The following CNTNAP2 variants were observed in gnomAD, a reference collection of about 807,000 sequenced individuals.
The protein encoded by CNTNAP2 is contactin-associated protein-like 2.
CNTNAP2 carries 98 observed loss-of-function variants against 155.2 expected under a neutral mutation model. That is an observed-to-expected ratio of 0.63 (90% CI 0.54 to 0.75). The LOEUF (loss-of-function observed/expected upper bound fraction) is 0.75, where lower values mean the gene tolerates loss of function less well. Ranked by LOEUF, CNTNAP2 falls within the 30% of genes least tolerant of loss-of-function variation. The pLI is 0.00. For synonymous variants in CNTNAP2, 651 were observed against 631.2 expected (o/e 1.03, Z -0.47); for missense variants, 1,727 against 1,688.1 (o/e 1.02, Z -0.40).
At chr7:148,127,809 A>T (rs1585140729) in intron 16 of CNTNAP2, among the ~76,000 whole-genome samples, 1 of 152,210 alleles carries the variant, frequency 6.6e-6, no homozygotes, top group Non-Finnish European at 1.5e-5. Context: ...AGGATGTTTT[A>T]AAAAATATTG....
chr7:146,811,572 C>CA (rs1192046016), intron 2 of CNTNAP2, among the ~76,000 whole-genome samples: 2 of 151,586 alleles, frequency 1.3e-5, no homozygotes, highest in South Asian at 2.1e-4. Flanking sequence ...TTTATGTTTT[C>CA]AAAAAAACTC....
intron 4 of CNTNAP2, chr7:147,097,600 C>G (rs1584840881): frequency 6.6e-6 from 1 of 152,136 alleles, no homozygotes; most frequent in African/African-American, 2.4e-5. Context: ...ATGAGGGAAA[C>G]GGTCCCTATG....
chr7:147,804,950 G>A (rs75554915), intron 13 of CNTNAP2, among the ~76,000 whole-genome samples: 1,717 of 152,260 alleles, frequency 0.011, 94 homozygotes, highest in Admixed American at 0.089. Flanking sequence ...GAGCATCAGG[G>A]CACTTGTCTC....
chr7:146,404,902 G>A (rs886868647), intron 1 of CNTNAP2, among the ~76,000 whole-genome samples: 3 of 152,004 alleles, frequency 2.0e-5, no homozygotes, highest in Admixed American at 6.6e-5. Flanking sequence ...CATTAGTTCC[G>A]GTCTTCTACT....
intron 1 of CNTNAP2, among the ~76,000 whole-genome samples, chr7:146,134,921 C>A (rs1477701573): frequency 6.6e-6 from 1 of 151,514 alleles, no homozygotes; most frequent in African/African-American, 2.4e-5. Flanking sequence ...TGATGCTGGC[C>A]TCATAAAATG....
intron 1 of CNTNAP2, among the ~76,000 whole-genome samples, chr7:146,770,333 C>A (rs1488237808): frequency 6.6e-6 from 1 of 151,248 alleles, no homozygotes; most frequent in South Asian, 2.1e-4. Flanking sequence ...CACACACACA[C>A]ACACACACAC....
intron 9 of CNTNAP2, among the ~76,000 whole-genome samples, chr7:147,334,441 T>TTATC (rs1795630581): frequency 6.6e-6 from 1 of 152,224 alleles, no homozygotes; most frequent in African/African-American, 2.4e-5. Context: ...CTGGCTCTTA[T>TTATC]TATCATCTCT....
chr7:147,657,444 T>C (rs1795542295), intron 13 of CNTNAP2, among the ~76,000 whole-genome samples: 1 of 152,114 alleles, frequency 6.6e-6, no homozygotes, highest in Non-Finnish European at 1.5e-5. Context: ...AGACTAAATG[T>C]AAATTTTAAA....
intron 1 of CNTNAP2, among the ~76,000 whole-genome samples, chr7:146,273,086 A>AAG (rs58582637): frequency 0.01 from 1,418 of 138,010 alleles, 10 homozygotes; most frequent in Middle Eastern, 0.015. Flanking sequence ...GAGAAAGAGA[A>AAG]AGAGAGAGAG....
At chr7:146,170,145 G>A (rs2116817288) in intron 1 of CNTNAP2, among the ~76,000 whole-genome samples, 1 of 151,460 alleles carries the variant, frequency 6.6e-6, no homozygotes, top group East Asian at 2.0e-4. Flanking sequence ...TCATGCCACA[G>A]CCTTCCAAGT....
At chr7:147,370,251 C>T (rs540973934) in intron 9 of CNTNAP2, among the ~76,000 whole-genome samples, 1 of 152,144 alleles carries the variant, frequency 6.6e-6, no homozygotes, top group Admixed American at 6.5e-5. Context: ...ATGACGTGTC[C>T]ATGACAACAG....
intron 9 of CNTNAP2, among the ~76,000 whole-genome samples, chr7:147,370,313 G>A (rs2116913364): frequency 6.6e-6 from 1 of 152,252 alleles, no homozygotes; most frequent in South Asian, 2.1e-4. Flanking sequence ...CATCTTTTAA[G>A]ACAGAGCTAT....
chr7:147,279,418 G>A (rs1804977148), intron 8 of CNTNAP2, among the ~76,000 whole-genome samples: 1 of 151,674 alleles, frequency 6.6e-6, no homozygotes, highest in South Asian at 2.1e-4. Context: ...GAACTTAGGC[G>A]ATGGGTCCCC....
intron 3 of CNTNAP2, among the ~76,000 whole-genome samples, chr7:147,026,491 T>C (rs183858756): frequency 2.4e-4 from 37 of 152,262 alleles, no homozygotes; most frequent in Middle Eastern, 3.4e-3. Flanking sequence ...AGAATTTTAC[T>C]TATAGAATTC....
chr7:148,229,667 A>G lies in CNTNAP2; in HGVS notation c.3269A>G (p.Asn1090Ser). Reference protein sequence around the residue: ...KPTGSLQIRYNLGGTREPYNI... With the variant: ...KPTGSLQIRYSLGGTREPYNI... Reference sequence around the variant, plus strand: ...ATAGGAAGCTTACAGATTCGATACAACCTGGGTGGCACCCGAGAGCCATAC... The same window carrying G: ...ATAGGAAGCTTACAGATTCGATACAGCCTGGGTGGCACCCGAGAGCCATAC... The change falls in exon 20 of 24, where the codon AAC (asparagine) becomes AGC (serine). Residue 1090 changes from asparagine to serine, a missense_variant. Physicochemically the swap from Asn to Ser is conservative, Grantham distance 46. Transcript: ENST00000361727. 6.2e-7 allele frequency: 1 copy of G among 1,614,156 alleles called. No individual in the cohort carries two copies. Among genetic ancestry groups the G allele is most frequent in the Non-Finnish European group, 8.5e-7 (1 of 1,180,024 alleles).
intron 1 of CNTNAP2, among the ~76,000 whole-genome samples, chr7:146,133,846 G>T (rs570942933): frequency 6.6e-6 from 1 of 152,210 alleles, no homozygotes; most frequent in East Asian, 1.9e-4. Context: ...GTCAGGTAGT[G>T]TGATGCCTCC....
At position 146,981,413 on chromosome 7, in the gene CNTNAP2, G is replaced by T. The variant is rs529009668; in HGVS notation, c.403-62494G>T. 9.2e-5 allele frequency among the ~76,000 whole-genome samples: 14 copies of T among 152,230 alleles called. No homozygotes were observed. In the East Asian group the frequency reaches 2.5e-3, roughly 27 times the overall value. On this transcript the variant is annotated intron_variant, in intron 3 of 23. Transcript: ENST00000361727. Reference sequence around the variant, plus strand: ...TAAACCCTTTTTACTGCTACATTTTGCCATTTTCAGAATAAACTTGCATAA... The same window carrying T: ...TAAACCCTTTTTACTGCTACATTTTTCCATTTTCAGAATAAACTTGCATAA...
chr7:147,284,964 A>G (rs770117921), intron 8 of CNTNAP2, among the ~76,000 whole-genome samples: 21 of 151,848 alleles, frequency 1.4e-4, no homozygotes, highest in Non-Finnish European at 2.8e-4. Context: ...GGAAAAACCT[A>G]CCTGTAAAAG....
chr7:146,694,789 T>C (rs1248890475), intron 1 of CNTNAP2, among the ~76,000 whole-genome samples: 1 of 152,198 alleles, frequency 6.6e-6, no homozygotes, highest in Non-Finnish European at 1.5e-5. Context: ...TTGCAACTTT[T>C]CTCATGTAGA....
Sources: gnomAD v4.1 joint callset for allele counts (sites outside exome capture counted in the v4.1 genomes callset) on GRCh38, gnomAD v4.1.1 for gene constraint, MANE v1.5 for transcripts, NCBI Gene and HGNC (gene_info 2026-07-23, HGNC 2026-07-21) for gene names.